Variants in CDH13 observed in about 807,000 individuals in gnomAD.
The protein encoded by CDH13 is cadherin-13.
Under a neutral mutation model 63.8 loss-of-function variants are expected in CDH13, and 24 were observed. That is an observed-to-expected ratio of 0.38 (90% CI 0.27 to 0.53). The LOEUF (loss-of-function observed/expected upper bound fraction) is 0.53, where lower values mean the gene tolerates loss of function less well. Among genes scored for constraint, CDH13 ranks in the 20% least tolerant of loss-of-function variants. The pLI, the probability that CDH13 is intolerant of heterozygous loss-of-function variation, is 0.85. For synonymous variants in CDH13, 503 were observed against 355.3 expected, an observed-to-expected ratio of 1.42 and a Z score of -4.67; for missense variants, 1,049 against 903.1, an observed-to-expected ratio of 1.16 and a Z score of -2.07.
At chr16:83,587,824 C>T (rs937456169) in intron 7 of CDH13, among the ~76,000 whole-genome samples, 21 of 152,102 alleles carry the variant, frequency 1.4e-4, no homozygotes, top group Non-Finnish European at 2.5e-4. Context: ...GAGTGCTTGG[C>T]GAATGACAGG....
intron 7 of CDH13, among the ~76,000 whole-genome samples, chr16:83,573,231 T>A (rs559116968): frequency 1.3e-5 from 2 of 152,336 alleles, no homozygotes; most frequent in African/African-American, 4.8e-5. Flanking sequence ...GCCTAGGAGC[T>A]GATTATGTGG....
At chr16:83,772,385 T>TA (rs918188711) in intron 11 of CDH13, among the ~76,000 whole-genome samples, 1 of 151,878 alleles carries the variant, frequency 6.6e-6, no homozygotes, top group African/African-American at 2.4e-5. Flanking sequence ...GCCATTTGGA[T>TA]AAAAAATAAG....
At chr16:82,926,385 G>A (rs983063441) in intron 2 of CDH13, among the ~76,000 whole-genome samples, 3 of 152,122 alleles carry the variant, frequency 2.0e-5, no homozygotes, top group Non-Finnish European at 2.9e-5. Flanking sequence ...CCCTGTGCCT[G>A]TTTTCCTGAA....
intron 4 of CDH13, among the ~76,000 whole-genome samples, chr16:83,176,668 A>T (rs914880837): frequency 6.6e-6 from 1 of 152,104 alleles, no homozygotes; most frequent in Non-Finnish European, 1.5e-5. Flanking sequence ...TCTGCAAGGA[A>T]TACATTTATG....
intron 2 of CDH13, among the ~76,000 whole-genome samples, chr16:82,974,618 T>C (rs961740998): frequency 3.3e-4 from 50 of 152,100 alleles, no homozygotes; most frequent in Non-Finnish European, 6.8e-4. Context: ...TGAGAGATCA[T>C]GTTGGACGAT....
At chr16:83,024,995 G>T (rs1282034017) in intron 2 of CDH13, among the ~76,000 whole-genome samples, 1 of 152,298 alleles carries the variant, frequency 6.6e-6, no homozygotes, top group East Asian at 1.9e-4. Context: ...AACAGCCTGA[G>T]ACTAGCAAGG....
intron 6 of CDH13, chr16:83,396,536 A>G (rs2091889397): frequency 6.6e-6 from 1 of 152,018 alleles, no homozygotes; most frequent in Non-Finnish European, 1.5e-5. Flanking sequence ...CCTTATTTTG[A>G]ATTATGGTGG....
At chr16:83,287,964 T>A (rs1411983075) in intron 5 of CDH13, among the ~76,000 whole-genome samples, 2 of 152,100 alleles carry the variant, frequency 1.3e-5, no homozygotes, top group African/African-American at 4.8e-5. Flanking sequence ...GAGCAAAATA[T>A]GAACATGTTT....
At chr16:83,267,807 A>G (rs985254788) in intron 5 of CDH13, among the ~76,000 whole-genome samples, 1 of 152,194 alleles carries the variant, frequency 6.6e-6, no homozygotes, top group Non-Finnish European at 1.5e-5. Flanking sequence ...ATTTTATTTA[A>G]CAAGATATTA....
intron 7 of CDH13, among the ~76,000 whole-genome samples, chr16:83,565,815 T>A (rs1246920373): frequency 6.6e-6 from 1 of 152,260 alleles, no homozygotes; most frequent in African/African-American, 2.4e-5. Flanking sequence ...ACTTTTCTTT[T>A]GTGATAACTG....
intron 4 of CDH13, among the ~76,000 whole-genome samples, chr16:83,142,026 C>T (rs960742591): frequency 2.0e-5 from 3 of 152,150 alleles, no homozygotes; most frequent in African/African-American, 7.2e-5. Context: ...TGTACCAGTA[C>T]AAGTTTCCCA....
chr16:83,499,384 T>A (rs1330380591), intron 7 of CDH13, among the ~76,000 whole-genome samples: 1 of 152,234 alleles, frequency 6.6e-6, no homozygotes, highest in African/African-American at 2.4e-5. Context: ...ATTTTAACTT[T>A]TCCACAGTGC....
rs192495727 is a variant in CDH13 at position 83,281,889 on chromosome 16, G to A, written c.637-62973G>A. On this transcript the variant is annotated intron_variant, in intron 5 of 13. Transcript: ENST00000567109. ...GATTGCACCACTGCATTCTAACCTC[G>A]GCAACAGAGCGGGACTCCGTTTCTA... Among the ~76,000 whole-genome samples, 206 of 152,210 alleles carry A rather than the reference G, an allele frequency of 1.4e-3. 1 individual carries two copies. The highest frequency in any genetic ancestry group is 4.4e-3 in the South Asian group (21 of 4,824).
intron 2 of CDH13, among the ~76,000 whole-genome samples, chr16:83,007,638 T>G (rs759493175): frequency 2.0e-5 from 3 of 152,086 alleles, no homozygotes; most frequent in East Asian, 1.9e-4. Context: ...GAGACCAGCC[T>G]AGGCAGCATG....
chr16:82,707,463 G>A (rs1228830674), intron 1 of CDH13, among the ~76,000 whole-genome samples: 1 of 152,240 alleles, frequency 6.6e-6, no homozygotes, highest in Non-Finnish European at 1.5e-5. Context: ...GGCACGGAGA[G>A]ATGATAGGGT....
chr16:82,710,098 T>G (rs1156656510), intron 1 of CDH13, among the ~76,000 whole-genome samples: 1 of 148,576 alleles, frequency 6.7e-6, no homozygotes, highest in Non-Finnish European at 1.5e-5. Flanking sequence ...TATATGTAAA[T>G]ACATTTAAAT....
At chr16:83,027,106 C>G (rs915828602) in intron 2 of CDH13, among the ~76,000 whole-genome samples, 5 of 141,096 alleles carry the variant, frequency 3.5e-5, no homozygotes, top group South Asian at 5.1e-4. Flanking sequence ...AGGGAGACCC[C>G]CCCCCCCCAC....
chr16:82,969,298 A>G (rs1188482181), intron 2 of CDH13, among the ~76,000 whole-genome samples: 2 of 152,216 alleles, frequency 1.3e-5, no homozygotes, highest in African/African-American at 4.8e-5. Context: ...CACGATACAT[A>G]AAAGAATGAA....
At chr16:83,561,408 A>G (rs967030912) in intron 7 of CDH13, among the ~76,000 whole-genome samples, 2 of 142,220 alleles carry the variant, frequency 1.4e-5, no homozygotes, top group East Asian at 4.2e-4. Flanking sequence ...CCTGAGCAAC[A>G]AGAGGGAAAC....
Sources: gnomAD v4.1 joint callset for allele counts (sites outside exome capture counted in the v4.1 genomes callset) on GRCh38, gnomAD v4.1.1 for gene constraint, MANE v1.5 for transcripts, NCBI Gene and HGNC (gene_info 2026-07-23, HGNC 2026-07-21) for gene names.